ATIC: variants seen among roughly 807,000 people sequenced by gnomAD.
The protein encoded by ATIC is bifunctional purine biosynthesis protein ATIC.
Under a neutral mutation model 72.5 loss-of-function variants are expected in ATIC, and 64 were observed. The ratio of observed to expected loss-of-function variants is 0.88; its 90% CI spans 0.72 to 1.09. The LOEUF is 1.09. Among genes scored for constraint, ATIC ranks in the 50% least tolerant of loss-of-function variants. ATIC has a pLI of 0.00. For synonymous variants in ATIC, 281 were observed against 267.1 expected, an observed-to-expected ratio of 1.05 and a Z score of -0.51; for missense variants, 787 against 732.4, an observed-to-expected ratio of 1.07 and a Z score of -0.86.
At chr2:215,317,343 A>G (rs2052720947) in intron 2 of ATIC, among the ~76,000 whole-genome samples, 1 of 152,144 alleles carries the variant, frequency 6.6e-6, no homozygotes, top group Non-Finnish European at 1.5e-5. Context: ...TAATTTTGCT[A>G]CATGCATGAT....
chr2:215,327,694 C>T (rs915930385), intron 7 of ATIC, among the ~76,000 whole-genome samples: 1 of 152,126 alleles, frequency 6.6e-6, no homozygotes, highest in African/African-American at 2.4e-5. Flanking sequence ...ACCGGTGCAG[C>T]TGGCCTTGGC....
chr2:215,317,662 T>C (rs1193632186), intron 2 of ATIC, among the ~76,000 whole-genome samples: 1 of 152,016 alleles, frequency 6.6e-6, no homozygotes, highest in African/African-American at 2.4e-5. Flanking sequence ...ATTTTTTGTA[T>C]TTTTTTAGTA....
At chr2:215,345,428 G>T in intron 13 of ATIC, 1 of 170,570 alleles carries the variant, frequency 5.9e-6, no homozygotes, top group Admixed American at 5.6e-5. Flanking sequence ...AAATTTCACA[G>T]TATGTGACCG....
At position 215,332,764 on chromosome 2, in the gene ATIC, A is replaced by G. The variant is rs144904859; in HGVS notation, c.814+257A>G. ...TAAAAGTTTAGAAAATAAAAGTGAAATGTCCTAATGCAATAGACTAAGTCT... is the reference window on the plus strand; with the variant it reads ...TAAAAGTTTAGAAAATAAAAGTGAAGTGTCCTAATGCAATAGACTAAGTCT... On this transcript the variant is annotated intron_variant, in intron 8 of 15. Transcript: ENST00000236959. 1.8e-3 allele frequency among the ~76,000 whole-genome samples: 277 copies of G among 152,276 alleles called. 1 individual carries two copies. Among genetic ancestry groups the G allele is most frequent in the Non-Finnish European group, 3.1e-3 (210 of 68,026 alleles).
At chr2:215,316,154 CAGT>C (rs2052706159) in intron 2 of ATIC, among the ~76,000 whole-genome samples, 1 of 152,090 alleles carries the variant, frequency 6.6e-6, no homozygotes, top group Non-Finnish European at 1.5e-5. Context: ...ATAAATTCTT[CAGT>C]TCAAAGGAGT....
At chr2:215,315,764 A>G (rs2052701235) in intron 2 of ATIC, among the ~76,000 whole-genome samples, 1 of 152,056 alleles carries the variant, frequency 6.6e-6, no homozygotes, top group Non-Finnish European at 1.5e-5. Context: ...CAGCCTGGCC[A>G]ACATGGTGCA....
intron 2 of ATIC, among the ~76,000 whole-genome samples, chr2:215,313,890 T>TGAGA (rs1210117146): frequency 6.6e-6 from 1 of 152,210 alleles, no homozygotes; most frequent in Non-Finnish European, 1.5e-5. Flanking sequence ...AGCAACCGAA[T>TGAGA]GAGAATTCAA....
intron 4 of ATIC, 87 bp downstream of exon 4, chr2:215,319,818 A>G (rs1049846568): frequency 4.5e-6 from 5 of 1,114,892 alleles, no homozygotes; most frequent in East Asian, 2.4e-5. Flanking sequence ...TTTCTTACTC[A>G]CTATAAACCT....
chr2:215,328,741 GA>G (rs2052857589), intron 7 of ATIC, among the ~76,000 whole-genome samples: 2 of 141,432 alleles, frequency 1.4e-5, no homozygotes, highest in Admixed American at 1.4e-4. Context: ...TTTTGAGATA[GA>G]GTTTCACTCT....
the ATIC span, chr2:215,361,857 AGTT>A: frequency 1.5e-5 from 20 of 1,373,752 alleles, no homozygotes; most frequent in South Asian, 1.1e-4. Context: ...GTCATTTATG[AGTT>A]GTTTTTTTTT....
chr2:215,358,295 A>T, the ATIC span, among the ~76,000 whole-genome samples: 1 of 152,170 alleles, frequency 6.6e-6, no homozygotes, highest in Non-Finnish European at 1.5e-5. Flanking sequence ...TCTGATTAAC[A>T]TTTACTAGTT....
the ATIC span, chr2:215,362,302 C>G: frequency 1.8e-6 from 1 of 548,560 alleles, no homozygotes; most frequent in African/African-American, 1.9e-5. Context: ...TATGTTGTTT[C>G]TTTCTCCTGA....
Position 215,349,683 on chromosome 2 carries a change from C to G in ATIC, c.*28C>G, listed in dbSNP as rs780817186. 1 of 1,614,068 alleles carries G rather than the reference C, an allele frequency of 6.2e-7. No homozygotes were observed. Among genetic ancestry groups the G allele is most frequent in the Non-Finnish European group, 8.5e-7 (1 of 1,180,000 alleles). ...TTACCACACACTGTTTTTTGGCTTG[C>G]TTATGTGTAGGTGAACAGTCACGCC... On this transcript the variant is annotated 3_prime_UTR_variant, in exon 16 of 16. Coordinates refer to ENST00000236959, the MANE Select transcript of ATIC (RefSeq NM_004044.7).
intron 2 of ATIC, among the ~76,000 whole-genome samples, chr2:215,314,807 G>A (rs1043849505): frequency 1.3e-5 from 2 of 152,064 alleles, no homozygotes; most frequent in South Asian, 4.1e-4. Flanking sequence ...ATTTTGTAGG[G>A]GTGGAAAGGT....
downstream of ATIC, among the ~76,000 whole-genome samples, chr2:215,353,503 G>A (rs1025290564): frequency 9.2e-5 from 14 of 152,160 alleles, no homozygotes; most frequent in Non-Finnish European, 1.9e-4. Context: ...TTAACTGTGT[G>A]CAGTGTCTGT....
chr2:215,325,086 T>G, intron 4 of ATIC, 155 bp from the exon 5 acceptor site: 1 of 628,304 alleles, frequency 1.6e-6, no homozygotes, highest in Non-Finnish European at 2.9e-6. Flanking sequence ...TTTAACACAC[T>G]CGTTAGAATT....
chr2:215,338,924 C>G lies in ATIC; in HGVS notation c.1227+17C>G. On this transcript the variant is annotated intron_variant, in intron 12 of 15. Coordinates refer to ENST00000236959, the MANE Select transcript of ATIC (RefSeq NM_004044.7). ...AATAAAGATGTAAGTTGGGAAGTAT[C>G]TGAACTGACTGCTAGTAACTTCCAT... The G allele has an allele frequency of 6.2e-7, 1 of 1,612,046 alleles. No homozygotes were observed. The highest frequency in any genetic ancestry group is 8.5e-7 in the Non-Finnish European group (1 of 1,178,772).
At chr2:215,314,510 T>C (rs1306168160) in intron 2 of ATIC, among the ~76,000 whole-genome samples, 1 of 152,202 alleles carries the variant, frequency 6.6e-6, no homozygotes, top group African/African-American at 2.4e-5. Context: ...TTTTTTTTTT[T>C]TCTCTGAGAT....
chr2:215,324,479 T>C (rs529449366), intron 4 of ATIC, among the ~76,000 whole-genome samples: 1 of 152,328 alleles, frequency 6.6e-6, no homozygotes, highest in Admixed American at 6.5e-5. Context: ...GTCTCTAGTT[T>C]TCTTGTGACA....
Sources: allele counts gnomAD v4.1 joint callset (sites outside exome capture counted in the v4.1 genomes callset), GRCh38; gene constraint gnomAD v4.1.1; transcripts MANE v1.5; gene names NCBI Gene and HGNC (gene_info 2026-07-23, HGNC 2026-07-21).